Variants in JAK2 observed in about 807,000 individuals in gnomAD.
The protein encoded by JAK2 is tyrosine-protein kinase JAK2.
A neutral mutation model predicts 139.3 loss-of-function variants in JAK2; 86 were observed. The observed-to-expected ratio is 0.62, with a 90% CI of 0.52 to 0.74. The LOEUF is 0.74. JAK2 is among the 30% of genes least tolerant of loss of function. The pLI, the probability that JAK2 is intolerant of heterozygous loss-of-function variation, is 0.00. For missense variants in JAK2, 1,421 were observed against 1,360.3 expected, an observed-to-expected ratio of 1.04 and a Z score of -0.70; for synonymous variants, 490 against 437.7, an observed-to-expected ratio of 1.12 and a Z score of -1.49.
chr9:5,004,461 A>G (rs923929378), intron 2 of JAK2, among the ~76,000 whole-genome samples: 5 of 152,098 alleles, frequency 3.3e-5, no homozygotes, highest in Non-Finnish European at 5.9e-5. Context: ...GTAAATGACA[A>G]GATTTTCTTC....
At chr9:5,070,560 T>G (rs751739029) in intron 12 of JAK2, among the ~76,000 whole-genome samples, 2 of 152,116 alleles carry the variant, frequency 1.3e-5, no homozygotes, top group Non-Finnish European at 2.9e-5. Flanking sequence ...TTTCTTTTTT[T>G]AAATAACTAA....
chr9:5,062,502 A>T (rs1225306340), intron 8 of JAK2, among the ~76,000 whole-genome samples: 2 of 91,506 alleles, frequency 2.2e-5, no homozygotes, highest in Non-Finnish European at 4.9e-5. Flanking sequence ...TCCATTTGTA[A>T]AAAAAAAAAA....
chr9:5,058,647 C>CGGCA (rs1817940374), intron 8 of JAK2, among the ~76,000 whole-genome samples: 1 of 152,128 alleles, frequency 6.6e-6, no homozygotes, highest in Admixed American at 6.5e-5. Context: ...TCCATAGCAG[C>CGGCA]GGCACCATTT....
intron 22 of JAK2, among the ~76,000 whole-genome samples, chr9:5,122,629 G>C (rs541657332): frequency 6.6e-6 from 1 of 152,064 alleles, no homozygotes; most frequent in South Asian, 2.1e-4. Flanking sequence ...ACAGGACTCA[G>C]CATATATCCA....
At chr9:5,111,651 C>T (rs1430328230) in intron 22 of JAK2, 2 of 391,790 alleles carry the variant, frequency 5.1e-6, no homozygotes, top group East Asian at 1.4e-4. Context: ...TGCCCCTCGT[C>T]CCTCCCGCCC....
chr9:5,080,764 C>A, intron 18 of JAK2, 81 bp downstream of exon 18: 2 of 1,094,444 alleles, frequency 1.8e-6, no homozygotes, highest in Non-Finnish European at 2.5e-6. Flanking sequence ...TTTTTAATTC[C>A]TTTAAAACAT....
At chr9:5,111,809 T>G (rs560316571) in intron 22 of JAK2, 2 of 421,588 alleles carry the variant, frequency 4.7e-6, no homozygotes, top group South Asian at 1.8e-5. Context: ...CGGAGCCACG[T>G]AGGCGGCGTC....
rs190952741 is a variant in JAK2, at chr9:4,995,291, T to C, written c.-26+9269T>C. ...GATAGCTTTGAGTTTGCGAAATGAG[T>C]TGTTTTCCCTAGGTTGTCTCTTTAT... On this transcript the variant is annotated intron_variant, in intron 2 of 24. Transcript: ENST00000381652. Among the ~76,000 whole-genome samples, 719 of 152,314 alleles carry C rather than the reference T, an allele frequency of 4.7e-3. 6 individuals are homozygous for C. Among genetic ancestry groups the C allele is most frequent in the African/African-American group, 0.016 (683 of 41,566 alleles).
intron 19 of JAK2, among the ~76,000 whole-genome samples, chr9:5,086,893 T>TTAAAC (rs941765254): frequency 6.6e-6 from 1 of 152,232 alleles, no homozygotes; most frequent in African/African-American, 2.4e-5. Flanking sequence ...TTCATATCTT[T>TTAAAC]TAAACTACTT....
intron 19 of JAK2, among the ~76,000 whole-genome samples, chr9:5,089,012 T>G (rs1474067497): frequency 6.6e-6 from 1 of 152,226 alleles, no homozygotes; most frequent in Non-Finnish European, 1.5e-5. Context: ...AAAGGTATTT[T>G]GTAAAAAAGG....
At chr9:5,110,001 A>G (rs565361809) in intron 22 of JAK2, 2 of 152,300 alleles carry the variant, frequency 1.3e-5, no homozygotes, top group South Asian at 4.1e-4. Context: ...CATCGGCGAC[A>G]TTGGTTTTAT....
In JAK2 at chr9:5,064,955, G is replaced by A. The variant is rs2130492470; in HGVS notation, c.1129G>A (p.Ala377Thr). The change falls in exon 9 of 25, where the codon GCA becomes ACA. Residue 377 changes from alanine (A) to threonine (T), a missense_variant. Coordinates refer to ENST00000381652, the MANE Select transcript of JAK2 (RefSeq NM_004972.4). ...SLIDGYYRLT[A>T]DAHHYLCKEV... Reference sequence around the variant, plus strand: ...AATTGATGGATATTATAGATTAACTGCAGATGCACATCATTACCTCTGTAA... The same window carrying A: ...AATTGATGGATATTATAGATTAACTACAGATGCACATCATTACCTCTGTAA... 6.2e-7 allele frequency: 1 copy of A among 1,605,250 alleles called. No individual in the cohort carries two copies.
chr9:5,111,378 TCTGGCGGACA>T, intron 22 of JAK2: 1 of 400,396 alleles, frequency 2.5e-6, no homozygotes. Context: ...CGCCAGCAGC[TCTGGCGGACA>T]GAGGCGGACA....
intron 22 of JAK2, among the ~76,000 whole-genome samples, chr9:5,113,387 AT>A (rs780169214): frequency 6.8e-6 from 1 of 146,238 alleles, no homozygotes; most frequent in East Asian, 2.0e-4. Flanking sequence ...CCTAAGCGTA[AT>A]TTTTTTTAAG....
intron 23 of JAK2, 160 bp from the exon 24 acceptor site, chr9:5,126,173 C>G (rs567155471): frequency 9.2e-6 from 5 of 544,418 alleles, no homozygotes; most frequent in Non-Finnish European, 1.3e-5. Context: ...TATTTAACAG[C>G]CTTATGTTTT....
In JAK2 at chr9:5,127,188, C is replaced by G; in HGVS notation, c.*397C>G. 4.2e-6 allele frequency: 1 copy of G among 235,592 alleles called. No individual in the cohort carries two copies. The highest frequency in any genetic ancestry group is 8.4e-6 in the Non-Finnish European group (1 of 119,422). 14.6% of individuals were successfully genotyped at this position (235,592 alleles called of 1,614,324 possible). ...TTTTACCACAGTGGATGTATAATACCTTGGCATCTTGTGTGATGTTTTACA... is the reference window on the plus strand; with the variant it reads ...TTTTACCACAGTGGATGTATAATACGTTGGCATCTTGTGTGATGTTTTACA... On this transcript the variant is annotated 3_prime_UTR_variant, in exon 25 of 25. Coordinates refer to ENST00000381652, the MANE Select transcript of JAK2 (RefSeq NM_004972.4).
intron 4 of JAK2, among the ~76,000 whole-genome samples, chr9:5,033,056 C>G (rs530384518): frequency 6.6e-6 from 1 of 152,186 alleles, no homozygotes; most frequent in Non-Finnish European, 1.5e-5. Flanking sequence ...CTTAAAGGAC[C>G]TGATGGAGCT....
chr9:5,076,106 AGGAGTTGCTTCTTAT>A (rs891952352), intron 14 of JAK2, among the ~76,000 whole-genome samples: 15 of 152,322 alleles, frequency 9.8e-5, no homozygotes, highest in Admixed American at 8.5e-4. Context: ...TGAAAGAAGG[AGGAGTTGCTTCTTAT>A]GGATAAGCAG....
At chr9:5,040,460 A>G (rs1015197536) in intron 4 of JAK2, among the ~76,000 whole-genome samples, 3 of 152,264 alleles carry the variant, frequency 2.0e-5, no homozygotes, top group South Asian at 2.1e-4. Context: ...GTTAGGCTTT[A>G]TCAAAGTTAA....
Sources: gnomAD v4.1 joint callset for allele counts (sites outside exome capture counted in the v4.1 genomes callset) on GRCh38, gnomAD v4.1.1 for gene constraint, MANE v1.5 for transcripts, NCBI Gene and HGNC (gene_info 2026-07-23, HGNC 2026-07-21) for gene names.